ADAMTSL1: variants seen among roughly 807,000 people sequenced by gnomAD.
ADAMTSL1 encodes the protein ADAMTS-like protein 1.
A neutral mutation model predicts 201.8 loss-of-function variants in ADAMTSL1; 126 were observed. The ratio of observed to expected loss-of-function variants is 0.62; its 90% CI spans 0.54 to 0.72. The LOEUF (loss-of-function observed/expected upper bound fraction) is 0.72, where lower values mean the gene tolerates loss of function less well. Among genes scored for constraint, ADAMTSL1 ranks in the 30% least tolerant of loss-of-function variants. The pLI is 0.00. For missense variants in ADAMTSL1, 2,679 were observed against 2,277.8 expected, an observed-to-expected ratio of 1.18 and a Z score of -3.59; for synonymous variants, 1,121 against 903.4, an observed-to-expected ratio of 1.24 and a Z score of -4.32.
intron 16 of ADAMTSL1, among the ~76,000 whole-genome samples, chr9:18,763,044 T>C (rs1820162621): frequency 6.6e-6 from 1 of 152,218 alleles, no homozygotes; most frequent in African/African-American, 2.4e-5. Context: ...TGCTAGATCA[T>C]ACGGTAGCTC....
intron 2 of ADAMTSL1, among the ~76,000 whole-genome samples, chr9:18,186,724 T>C (rs931283035): frequency 6.6e-6 from 1 of 152,130 alleles, no homozygotes; most frequent in African/African-American, 2.4e-5. Flanking sequence ...TTTCACATTT[T>C]ATAAAACACT....
intron 4 of ADAMTSL1, among the ~76,000 whole-genome samples, chr9:18,600,860 T>C (rs577157053): frequency 4.6e-5 from 7 of 152,304 alleles, no homozygotes; most frequent in Non-Finnish European, 7.4e-5. Context: ...AGAAAAAGAA[T>C]AAATTTCTTA....
At chr9:18,611,751 A>G (rs1825381978) in intron 4 of ADAMTSL1, among the ~76,000 whole-genome samples, 1 of 152,198 alleles carries the variant, frequency 6.6e-6, no homozygotes, top group South Asian at 2.1e-4. Context: ...CTTAGCTCAA[A>G]TAATAAAGGA....
intron 1 of ADAMTSL1, among the ~76,000 whole-genome samples, chr9:17,922,875 G>C (rs2131297061): frequency 6.6e-6 from 1 of 152,270 alleles, no homozygotes; most frequent in East Asian, 1.9e-4. Flanking sequence ...AATAGCCTCA[G>C]CTCTCAGTCA....
At chr9:17,955,530 G>C (rs1204866262) in intron 1 of ADAMTSL1, among the ~76,000 whole-genome samples, 2 of 152,168 alleles carry the variant, frequency 1.3e-5, no homozygotes, top group Non-Finnish European at 2.9e-5. Flanking sequence ...AAAACATTAA[G>C]TGACAAATTC....
At chr9:18,188,408 G>A (rs991607428) in intron 2 of ADAMTSL1, among the ~76,000 whole-genome samples, 6 of 152,034 alleles carry the variant, frequency 3.9e-5, no homozygotes, top group Non-Finnish European at 7.4e-5. Context: ...TTCCTCAGTG[G>A]CAAATGAAAA....
At chr9:18,366,212 TAAACCC>T (rs1836760471) in intron 2 of ADAMTSL1, among the ~76,000 whole-genome samples, 1 of 152,050 alleles carries the variant, frequency 6.6e-6, no homozygotes, top group African/African-American at 2.4e-5. Flanking sequence ...TTTATGCACA[TAAACCC>T]ATATGAATTT....
intron 2 of ADAMTSL1, among the ~76,000 whole-genome samples, chr9:18,177,662 C>G (rs1828232892): frequency 6.6e-6 from 1 of 152,144 alleles, no homozygotes; most frequent in Non-Finnish European, 1.5e-5. Context: ...TATATTCCAG[C>G]CAGTGAGAAA....
intron 15 of ADAMTSL1, among the ~76,000 whole-genome samples, chr9:18,728,291 A>G (rs1818018003): frequency 6.6e-6 from 1 of 152,148 alleles, no homozygotes; most frequent in African/African-American, 2.4e-5. Context: ...ATGCAATTAC[A>G]TCCTGAGAGG....
At chr9:18,742,547 C>T (rs1318122362) in intron 15 of ADAMTSL1, among the ~76,000 whole-genome samples, 2 of 152,118 alleles carry the variant, frequency 1.3e-5, no homozygotes, top group African/African-American at 4.8e-5. Context: ...AAGGACGGTA[C>T]AGTTGATGTG....
chr9:18,566,071 C>G (rs150545436), intron 3 of ADAMTSL1, among the ~76,000 whole-genome samples: 1 of 152,134 alleles, frequency 6.6e-6, no homozygotes, highest in Non-Finnish European at 1.5e-5. Flanking sequence ...TATTCAGAAA[C>G]TAGGCAAGAC....
chr9:17,945,257 C>T (rs1827411241), intron 1 of ADAMTSL1, among the ~76,000 whole-genome samples: 1 of 136,804 alleles, frequency 7.3e-6, no homozygotes, highest in African/African-American at 2.8e-5. Flanking sequence ...AAATCAAAAC[C>T]ACAATGAGAT....
chr9:18,725,458 G>T (rs116973052), intron 15 of ADAMTSL1, among the ~76,000 whole-genome samples: 1 of 152,302 alleles, frequency 6.6e-6, no homozygotes, highest in Non-Finnish European at 1.5e-5. Context: ...CTGCCAGTGA[G>T]AATTTTCCAT....
chr9:17,953,241 C>A (rs1342527255), intron 1 of ADAMTSL1, among the ~76,000 whole-genome samples: 4 of 152,150 alleles, frequency 2.6e-5, no homozygotes, highest in Non-Finnish European at 5.9e-5. Context: ...CTTAATTAAA[C>A]AAAAGCATGC....
At position 18,283,916 on chromosome 9, in the gene ADAMTSL1, T is replaced by TAAAAAAAAAAAAAAAAAAAAAA. The variant is rs71333034; in HGVS notation, c.207+119949_207+119950insAAAAAAAAAAAAAAAAAAAAAA. On this transcript the variant is annotated intron_variant, in intron 2 of 29. Transcript: ENST00000680146. ...CTGGGCAACAGAGCAAGACTCCGTC[T>TAAAAAAAAAAAAAAAAAAAAAA]AAAAAAAAAAAAAAGAAGAAGAAGA... Among the ~76,000 whole-genome samples, 42 of 26,392 alleles carry TAAAAAAAAAAAAAAAAAAAAAA rather than the reference T, an allele frequency of 1.6e-3. 2 individuals are homozygous for TAAAAAAAAAAAAAAAAAAAAAA. Among genetic ancestry groups the TAAAAAAAAAAAAAAAAAAAAAA allele is most frequent in the African/African-American group, 4.7e-3 (30 of 6,350 alleles). The allele number at this position is 26,392 out of a possible 152,430, so 17.3% of individuals were successfully genotyped here.
chr9:18,904,346 G>A (rs1290535220), intron 26 of ADAMTSL1, among the ~76,000 whole-genome samples: 1 of 151,942 alleles, frequency 6.6e-6, no homozygotes, highest in Non-Finnish European at 1.5e-5. Context: ...GCACATGCCT[G>A]TAGTCCCAGC....
chr9:18,024,643 C>T (rs1462675487), intron 1 of ADAMTSL1, among the ~76,000 whole-genome samples: 1 of 152,094 alleles, frequency 6.6e-6, no homozygotes, highest in Non-Finnish European at 1.5e-5. Context: ...ATATGTTCCA[C>T]ATTTTCTTTG....
intron 1 of ADAMTSL1, among the ~76,000 whole-genome samples, chr9:17,947,421 C>G (rs1239380345): frequency 1.3e-5 from 2 of 151,670 alleles, no homozygotes; most frequent in Non-Finnish European, 2.9e-5. Context: ...GGCACAATTT[C>G]AAATTGTTTC....
At chr9:18,094,677 C>G (rs1279568394) in intron 1 of ADAMTSL1, among the ~76,000 whole-genome samples, 1 of 152,032 alleles carries the variant, frequency 6.6e-6, no homozygotes, top group East Asian at 1.9e-4. Context: ...TCTCCTGCCT[C>G]AGCCTCCCGA....
Sources: allele counts gnomAD v4.1 joint callset (sites outside exome capture counted in the v4.1 genomes callset), GRCh38; gene constraint gnomAD v4.1.1; transcripts MANE v1.5; gene names NCBI Gene and HGNC (gene_info 2026-07-23, HGNC 2026-07-21).